The following STPG2 variants were observed in gnomAD, a reference collection of about 807,000 sequenced individuals.
STPG2 encodes the protein sperm tail PG-rich repeat containing 2.
Under a neutral mutation model 54.2 loss-of-function variants are expected in STPG2, and 56 were observed. The ratio of observed to expected loss-of-function variants is 1.03; its 90% CI spans 0.83 to 1.29. STPG2 has a LOEUF of 1.29. Among genes scored for constraint, STPG2 ranks in the 50% most tolerant of loss-of-function variants. The pLI is 0.00. For missense variants in STPG2, 596 were observed against 544.9 expected (o/e 1.09, Z -0.93); for synonymous variants, 200 against 181.8 (o/e 1.10, Z -0.81).
chr4:98,033,963 G>C (rs1736685564), intron 5 of STPG2, among the ~76,000 whole-genome samples: 1 of 152,030 alleles, frequency 6.6e-6, no homozygotes, highest in Non-Finnish European at 1.5e-5. Flanking sequence ...AAAATAATAA[G>C]AGCTATTTAT....
chr4:98,072,570 T>TAATAAAATAAAATAAAATAA (rs10646385), intron 5 of STPG2, among the ~76,000 whole-genome samples: 95 of 144,992 alleles, frequency 6.6e-4, no homozygotes, highest in African/African-American at 2.4e-3. Context: ...GAAGGGAAAA[T>TAATAAAATAAAATAAAATAA]AATAAAATAA....
intron 3 of STPG2, among the ~76,000 whole-genome samples, chr4:98,121,904 T>C (rs1221666035): frequency 6.6e-6 from 1 of 152,048 alleles, no homozygotes; most frequent in Admixed American, 6.6e-5. Flanking sequence ...GTATTTTTAG[T>C]ACAGACGGAG....
At chr4:97,699,659 G>T (rs927841217) in intron 10 of STPG2, among the ~76,000 whole-genome samples, 3 of 152,156 alleles carry the variant, frequency 2.0e-5, no homozygotes, top group African/African-American at 7.2e-5. Context: ...TGTCCTTCAA[G>T]GATGTCCTAG....
chr4:97,927,288 C>A (rs1410773956), intron 8 of STPG2, among the ~76,000 whole-genome samples: 1 of 151,898 alleles, frequency 6.6e-6, no homozygotes, highest in Non-Finnish European at 1.5e-5. Context: ...AATTTCAAGT[C>A]ATTTGTTAAC....
chr4:97,554,597 T>C (rs1224048986), downstream of STPG2, among the ~76,000 whole-genome samples: 1 of 152,170 alleles, frequency 6.6e-6, no homozygotes, highest in Non-Finnish European at 1.5e-5. Context: ...TCTAATTCTC[T>C]TTCAATGAAG....
intron 8 of STPG2, among the ~76,000 whole-genome samples, chr4:97,858,662 T>C (rs111804155): frequency 0.023 from 3,468 of 152,252 alleles, 81 homozygotes; most frequent in African/African-American, 0.065. Context: ...TTGGTTTCCA[T>C]TCCTCAGTTA....
intron 5 of STPG2, among the ~76,000 whole-genome samples, chr4:98,075,736 T>C (rs1049077940): frequency 2.0e-5 from 3 of 152,160 alleles, no homozygotes; most frequent in Admixed American, 6.5e-5. Context: ...TGTGACTGAA[T>C]AGTATTAAAT....
At chr4:97,767,566 A>G (rs1726092203) in intron 9 of STPG2, among the ~76,000 whole-genome samples, 1 of 152,182 alleles carries the variant, frequency 6.6e-6, no homozygotes, top group Non-Finnish European at 1.5e-5. Flanking sequence ...TACATAATTT[A>G]TGTTTCTGTG....
At chr4:98,028,328 T>C (rs573631595) in intron 5 of STPG2, among the ~76,000 whole-genome samples, 2 of 152,316 alleles carry the variant, frequency 1.3e-5, no homozygotes, top group Admixed American at 6.5e-5. Flanking sequence ...CATTTTACTA[T>C]AAGCAGAAAG....
chr4:97,689,353 T>C (rs1316231376), intron 10 of STPG2, among the ~76,000 whole-genome samples: 3 of 152,154 alleles, frequency 2.0e-5, no homozygotes, highest in Admixed American at 1.3e-4. Flanking sequence ...ATAAAAGTTA[T>C]ATTTAAAACT....
chr4:97,607,000 C>G (rs1384279801), intron 10 of STPG2, among the ~76,000 whole-genome samples: 1 of 151,924 alleles, frequency 6.6e-6, no homozygotes, highest in Non-Finnish European at 1.5e-5. Flanking sequence ...AGGAATAAAA[C>G]TAAGATATAA....
intron 10 of STPG2, among the ~76,000 whole-genome samples, chr4:97,670,039 G>C (rs960750034): frequency 6.6e-6 from 1 of 151,388 alleles, no homozygotes; most frequent in African/African-American, 2.4e-5. Context: ...AAGGTAAAAA[G>C]GTATCCTTTT....
At chr4:97,957,791 A>T (rs762899038) in intron 7 of STPG2, among the ~76,000 whole-genome samples, 9 of 152,196 alleles carry the variant, frequency 5.9e-5, no homozygotes, top group Non-Finnish European at 1.3e-4. Flanking sequence ...AACAACTATA[A>T]GCCAAAACTT....
At chr4:97,520,041 G>C (rs1339148557) in intron 4 of STPG2, among the ~76,000 whole-genome samples, 2 of 151,986 alleles carry the variant, frequency 1.3e-5, no homozygotes, top group Non-Finnish European at 2.9e-5. Flanking sequence ...CAGGATGCTA[G>C]AAAATTAAAT....
At chr4:97,726,496 A>C (rs2149021863) in intron 9 of STPG2, among the ~76,000 whole-genome samples, 1 of 152,042 alleles carries the variant, frequency 6.6e-6, no homozygotes, top group East Asian at 1.9e-4. Context: ...TAACTGTGTA[A>C]GAAAGTAATG....
intron 5 of STPG2, among the ~76,000 whole-genome samples, chr4:98,033,263 A>G (rs188062212): frequency 6.6e-6 from 1 of 152,282 alleles, no homozygotes; most frequent in Non-Finnish European, 1.5e-5. Context: ...AAAAAATAAT[A>G]AAGGGGATAT....
At chr4:97,510,080 G>A (rs1292715448) in intron 4 of STPG2, among the ~76,000 whole-genome samples, 1 of 151,982 alleles carries the variant, frequency 6.6e-6, no homozygotes, top group African/African-American at 2.4e-5. Context: ...TTATGTCTGT[G>A]ATATGTAGAA....
intron 9 of STPG2, among the ~76,000 whole-genome samples, chr4:97,763,551 C>A (rs1464314628): frequency 1.3e-5 from 2 of 152,034 alleles, no homozygotes; most frequent in African/African-American, 4.8e-5. Flanking sequence ...AAGTAGGGAC[C>A]AAATATTCCA....
At chr4:98,025,597 G>C (rs571942341) in intron 5 of STPG2, 2 of 746,744 alleles carry the variant, frequency 2.7e-6, no homozygotes, top group South Asian at 1.4e-5. Flanking sequence ...ATATAGACAG[G>C]GATATAATAG....
Sources: gnomAD v4.1 joint callset for allele counts (sites outside exome capture counted in the v4.1 genomes callset) on GRCh38, gnomAD v4.1.1 for gene constraint, MANE v1.5 for transcripts, NCBI Gene and HGNC (gene_info 2026-07-23, HGNC 2026-07-21) for gene names.